The following MDFIC2 variants were observed in gnomAD, a reference collection of about 807,000 sequenced individuals.
MDFIC2 encodes MyoD family inhibitor domain containing 2.
chr3:70,306,273 C>T lies in MDFIC2; in HGVS notation c.88+5613G>A, dbSNP rs182722997. On this transcript the variant is annotated intron_variant, in intron 2 of 3. Coordinates refer to ENST00000567252, the MANE Select transcript of MDFIC2 (RefSeq NM_001364677.1). Reference sequence around the variant, plus strand: ...CACTCGCCACCACACGTGGCTAGCCCGGCTAATTTCTATATTTTTAGTAAA... The same window carrying T: ...CACTCGCCACCACACGTGGCTAGCCTGGCTAATTTCTATATTTTTAGTAAA... 2.8e-3 allele frequency among the ~76,000 whole-genome samples: 430 copies of T among 152,080 alleles called. 1 individual carries two copies. Among genetic ancestry groups the T allele is most frequent in the African/African-American group, 9.8e-3 (405 of 41,468 alleles).
chr3:70,248,969 C>T (rs1400786789), intron 2 of MDFIC2: 1 of 152,054 alleles, frequency 6.6e-6, no homozygotes, highest in Non-Finnish European at 1.5e-5. Context: ...ATTTTATTTC[C>T]TAGGGAGTTC....
intron 2 of MDFIC2, among the ~76,000 whole-genome samples, chr3:70,251,748 G>A (rs1701771084): frequency 6.6e-6 from 1 of 152,168 alleles, no homozygotes; most frequent in Non-Finnish European, 1.5e-5. Context: ...GCTCGTCTAA[G>A]GAAGATGAGG....
intron 2 of MDFIC2, among the ~76,000 whole-genome samples, chr3:70,229,476 T>A (rs1476575417): frequency 3.3e-5 from 5 of 152,228 alleles, no homozygotes; most frequent in Non-Finnish European, 5.9e-5. Flanking sequence ...TGCTTCCTTT[T>A]TCTGGGCACA....
chr3:70,277,392 T>C (rs561791317), intron 2 of MDFIC2, among the ~76,000 whole-genome samples: 52 of 152,206 alleles, frequency 3.4e-4, no homozygotes, highest in Non-Finnish European at 6.8e-4. Flanking sequence ...ACACAGGCAC[T>C]CTAATGATTA....
chr3:70,304,429 C>T (rs1211402779), intron 2 of MDFIC2, among the ~76,000 whole-genome samples: 4 of 152,174 alleles, frequency 2.6e-5, no homozygotes, highest in Non-Finnish European at 4.4e-5. Flanking sequence ...GGGGATACCT[C>T]AGAGGCATTT....
chr3:70,255,254 GAC>G (rs1701804299), intron 2 of MDFIC2, among the ~76,000 whole-genome samples: 1 of 152,086 alleles, frequency 6.6e-6, no homozygotes, highest in Non-Finnish European at 1.5e-5. Flanking sequence ...GTGGACCAAT[GAC>G]ACATAAATTT....
chr3:70,254,291 T>A (rs1466165664), intron 2 of MDFIC2, among the ~76,000 whole-genome samples: 1 of 152,218 alleles, frequency 6.6e-6, no homozygotes, highest in Non-Finnish European at 1.5e-5. Context: ...CTTAAGGGAT[T>A]CTTTTTTCAA....
intron 2 of MDFIC2, among the ~76,000 whole-genome samples, chr3:70,299,032 C>G (rs1009658327): frequency 2.0e-5 from 3 of 152,190 alleles, no homozygotes; most frequent in East Asian, 3.9e-4. Flanking sequence ...GTGAGGATCT[C>G]ACGTGGTGCT....
intron 2 of MDFIC2, among the ~76,000 whole-genome samples, chr3:70,286,469 G>C (rs569877378): frequency 6.6e-6 from 1 of 151,804 alleles, no homozygotes; most frequent in Admixed American, 6.6e-5. Flanking sequence ...TAGCCTTGTA[G>C]TATAGTTTGA....
In MDFIC2 at chr3:70,196,256, T is replaced by C. The variant is rs1701178517; in HGVS notation, c.*670A>G. ...ACCTGTTATGACATAGTCATAGACA[T>C]ACAATAATATGGTCTAGAATTATAG... On this transcript the variant is annotated 3_prime_UTR_variant, in exon 4 of 4. Coordinates refer to ENST00000567252, the MANE Select transcript of MDFIC2 (RefSeq NM_001364677.1). Among the ~76,000 whole-genome samples, 1 of 152,168 alleles carries C rather than the reference T, an allele frequency of 6.6e-6. No individual in the cohort carries two copies. The highest frequency in any genetic ancestry group is 2.4e-5 in the African/African-American group (1 of 41,446).
At chr3:70,277,454 T>A (rs183607589) in intron 2 of MDFIC2, among the ~76,000 whole-genome samples, 2 of 152,292 alleles carry the variant, frequency 1.3e-5, no homozygotes, top group Non-Finnish European at 2.9e-5. Flanking sequence ...TTTTAGACAC[T>A]ATAATGACGG....
At chr3:70,311,567 A>G (rs1380331123) in intron 2 of MDFIC2, among the ~76,000 whole-genome samples, 2 of 152,204 alleles carry the variant, frequency 1.3e-5, no homozygotes, top group East Asian at 1.9e-4. Context: ...CTTCTTGGCT[A>G]TAAAGGAGAA....
intron 2 of MDFIC2, among the ~76,000 whole-genome samples, chr3:70,266,060 A>G (rs6419774): frequency 6.6e-6 from 1 of 152,210 alleles, no homozygotes; most frequent in Non-Finnish European, 1.5e-5. Flanking sequence ...AAAGAGAATG[A>G]GAAATCTCTT....
At chr3:70,207,695 C>A (rs997572085) in intron 2 of MDFIC2, among the ~76,000 whole-genome samples, 4 of 151,912 alleles carry the variant, frequency 2.6e-5, no homozygotes, top group Non-Finnish European at 4.4e-5. Flanking sequence ...GTATAACAAC[C>A]ACTTACATAG....
chr3:70,258,366 A>G (rs1701836403), intron 2 of MDFIC2, among the ~76,000 whole-genome samples: 1 of 152,042 alleles, frequency 6.6e-6, no homozygotes, highest in Non-Finnish European at 1.5e-5. Context: ...TATGAAGAGA[A>G]TATTTACAGT....
At chr3:70,266,639 T>G (rs1246992142) in intron 2 of MDFIC2, among the ~76,000 whole-genome samples, 1 of 152,032 alleles carries the variant, frequency 6.6e-6, no homozygotes, top group Non-Finnish European at 1.5e-5. Context: ...GAAGACAGGA[T>G]CTCCCTATGT....
At chr3:70,290,535 G>A (rs1028084182) in intron 2 of MDFIC2, among the ~76,000 whole-genome samples, 1 of 152,234 alleles carries the variant, frequency 6.6e-6, no homozygotes, top group Non-Finnish European at 1.5e-5. Context: ...CCTGCCCCCA[G>A]AGGTGGAGCC....
chr3:70,307,205 G>T (rs1324589881), intron 2 of MDFIC2, among the ~76,000 whole-genome samples: 4 of 152,208 alleles, frequency 2.6e-5, no homozygotes, highest in African/African-American at 4.8e-5. Flanking sequence ...TTTGGTGGTG[G>T]TGTTGTTATT....
chr3:70,278,253 G>T (rs1032103662), intron 2 of MDFIC2, among the ~76,000 whole-genome samples: 5 of 152,074 alleles, frequency 3.3e-5, no homozygotes, highest in Non-Finnish European at 7.4e-5. Context: ...ACATTCTTGT[G>T]TGTACCGGTA....
Sources: allele counts gnomAD v4.1 joint callset (sites outside exome capture counted in the v4.1 genomes callset), GRCh38; gene constraint gnomAD v4.1.1; transcripts MANE v1.5; gene names NCBI Gene and HGNC (gene_info 2026-07-23, HGNC 2026-07-21).